N4BP2L2: variants seen among roughly 807,000 people sequenced by gnomAD.
The protein encoded by N4BP2L2 is NEDD4 binding protein 2 like 2.
In N4BP2L2, 50 loss-of-function variants were observed where a neutral mutation model predicts 56.2. The observed-to-expected ratio is 0.89, with a 90% CI of 0.71 to 1.13. N4BP2L2 has a LOEUF of 1.13. N4BP2L2 is among the 50% of genes most tolerant of loss of function. The pLI, the probability that N4BP2L2 is intolerant of heterozygous loss-of-function variation, is 0.00. For synonymous variants in N4BP2L2, 203 were observed against 223.6 expected, an observed-to-expected ratio of 0.91 and a Z score of 0.82; for missense variants, 689 against 693.8, an observed-to-expected ratio of 0.99 and a Z score of 0.08.
At chr13:32,530,510 A>G (rs1374551932) in intron 2 of N4BP2L2, among the ~76,000 whole-genome samples, 1 of 152,220 alleles carries the variant, frequency 6.6e-6, no homozygotes, top group African/African-American at 2.4e-5. Context: ...AGTAAGTCAA[A>G]TATCTAATTT....
chr13:32,497,648 G>C (rs528262187), intron 6 of N4BP2L2, among the ~76,000 whole-genome samples: 1 of 152,268 alleles, frequency 6.6e-6, no homozygotes, highest in East Asian at 1.9e-4. Context: ...GAGTGCTGGA[G>C]GAAAAATGGA....
At chr13:32,532,590 C>CTTTTTT (rs759146834) in intron 2 of N4BP2L2, among the ~76,000 whole-genome samples, 1 of 128,408 alleles carries the variant, frequency 7.8e-6, no homozygotes, top group Admixed American at 7.9e-5. Flanking sequence ...TTTCTTTTTT[C>CTTTTTT]TTTTTTTTTT....
chr13:32,529,924 C>A (rs1286043172), intron 2 of N4BP2L2, among the ~76,000 whole-genome samples: 1 of 152,000 alleles, frequency 6.6e-6, no homozygotes, highest in Non-Finnish European at 1.5e-5. Flanking sequence ...TGGGGTTTCA[C>A]CATGTTGGCC....
intron 6 of N4BP2L2, among the ~76,000 whole-genome samples, chr13:32,445,598 A>G (rs2076936825): frequency 6.6e-6 from 1 of 152,210 alleles, no homozygotes; most frequent in African/African-American, 2.4e-5. Flanking sequence ...AGTGGTTCTA[A>G]CCAGAGACTA....
At chr13:32,473,601 C>G (rs147576729) in intron 6 of N4BP2L2, among the ~76,000 whole-genome samples, 1 of 152,174 alleles carries the variant, frequency 6.6e-6, no homozygotes, top group East Asian at 1.9e-4. Context: ...GGATTAAAAT[C>G]GAGGTTTCAG....
At chr13:32,480,039 G>A (rs1466189429) in intron 6 of N4BP2L2, among the ~76,000 whole-genome samples, 1 of 151,694 alleles carries the variant, frequency 6.6e-6, no homozygotes, top group Non-Finnish European at 1.5e-5. Flanking sequence ...TCCAAAATAG[G>A]ATAAAGACAC....
At chr13:32,503,806 G>C (rs571243708) in intron 6 of N4BP2L2, among the ~76,000 whole-genome samples, 2 of 152,290 alleles carry the variant, frequency 1.3e-5, no homozygotes, top group South Asian at 2.1e-4. Flanking sequence ...AGCACTTCGG[G>C]GGACCGAGGC....
In N4BP2L2 at chr13:32,467,597, G is replaced by A. The variant is rs575376957; in HGVS notation, c.366-23471C>T. Among the ~76,000 whole-genome samples the A allele has an allele frequency of 2.4e-3, 367 of 151,420 alleles. 1 individual carries two copies. Among genetic ancestry groups the A allele is most frequent in the African/African-American group, 8.0e-3 (329 of 41,256 alleles). On this transcript the variant is annotated intron_variant, in intron 6 of 9. Transcript: ENST00000357505. The stretch of plus-strand genomic sequence containing the variant: ...CTGGCCAACAGAGGGCACTATTCTA[G>A]AGACAAAAGAATCAAGATCCAGACA...
exon 6 of N4BP2L2, chr13:32,516,063 A>T (rs1431020912): frequency 1.3e-5 from 2 of 152,062 alleles, no homozygotes; most frequent in African/African-American, 4.8e-5. Context: ...TAGTACTATT[A>T]CTCCTAAGTT....
chr13:32,483,135 A>T (rs144016743), intron 6 of N4BP2L2, among the ~76,000 whole-genome samples: 1 of 152,290 alleles, frequency 6.6e-6, no homozygotes, highest in East Asian at 1.9e-4. Context: ...GTCAAACGAA[A>T]TCTTAACTTG....
At chr13:32,438,652 C>T (rs776677599) in exon 8 of N4BP2L2, 1 of 1,593,786 alleles carries the variant, frequency 6.3e-7, no homozygotes. Flanking sequence ...ACATATATAC[C>T]TCCACTGACA....
chr13:32,456,132 T>C (rs1477834372), intron 6 of N4BP2L2, among the ~76,000 whole-genome samples: 1 of 152,130 alleles, frequency 6.6e-6, no homozygotes, highest in Non-Finnish European at 1.5e-5. Flanking sequence ...GGCCCAAGGA[T>C]AGGCACACTC....
chr13:32,530,015 C>T (rs1243036162), intron 2 of N4BP2L2, among the ~76,000 whole-genome samples: 2 of 152,094 alleles, frequency 1.3e-5, no homozygotes, highest in South Asian at 2.1e-4. Flanking sequence ...CGTGAGCCAC[C>T]GTGCCCGGCA....
At chr13:32,523,771 C>T (rs886552453) in intron 3 of N4BP2L2, 4 of 151,852 alleles carry the variant, frequency 2.6e-5, no homozygotes, top group African/African-American at 9.7e-5. Flanking sequence ...CTATGAGGAT[C>T]CAAAGGCATA....
chr13:32,440,285 C>T (rs193043643), intron 7 of N4BP2L2, among the ~76,000 whole-genome samples: 25 of 152,108 alleles, frequency 1.6e-4, no homozygotes, highest in African/African-American at 5.3e-4. Context: ...CCCCAAGGAA[C>T]GCTGAGAGGT....
chr13:32,477,995 T>C, intron 6 of N4BP2L2: 1 of 1,289,412 alleles, frequency 7.8e-7, no homozygotes, highest in Non-Finnish European at 1.0e-6. Flanking sequence ...TTGTCTGACA[T>C]ACTGGTGTTC....
chr13:32,498,765 G>C (rs1356400154), intron 6 of N4BP2L2, among the ~76,000 whole-genome samples: 1 of 151,368 alleles, frequency 6.6e-6, no homozygotes, highest in Admixed American at 6.6e-5. Flanking sequence ...CACTTTGGGA[G>C]GCTAAGGCAG....
At chr13:32,470,589 A>C (rs2082116226) in intron 6 of N4BP2L2, among the ~76,000 whole-genome samples, 1 of 152,138 alleles carries the variant, frequency 6.6e-6, no homozygotes, top group African/African-American at 2.4e-5. Context: ...GAGCTCTCAT[A>C]CTCTGATAGG....
At chr13:32,495,960 G>A (rs2088495700) in intron 6 of N4BP2L2, among the ~76,000 whole-genome samples, 1 of 152,138 alleles carries the variant, frequency 6.6e-6, no homozygotes, top group Non-Finnish European at 1.5e-5. Context: ...TGGGATTACA[G>A]GCATGAACCA....
Sources: gnomAD v4.1 joint callset for allele counts (sites outside exome capture counted in the v4.1 genomes callset) on GRCh38, gnomAD v4.1.1 for gene constraint, MANE v1.5 for transcripts, NCBI Gene and HGNC (gene_info 2026-07-23, HGNC 2026-07-21) for gene names.